The following CHD9 variants were observed in gnomAD, a reference collection of about 807,000 sequenced individuals.
CHD9 encodes ATP-dependent chromatin remodeler CHD9.
In CHD9, 77 loss-of-function variants were observed where a neutral mutation model predicts 316.1. The ratio of observed to expected loss-of-function variants is 0.24; its 90% CI spans 0.20 to 0.29. CHD9 has a LOEUF of 0.29. CHD9 is among the 10% of genes least tolerant of loss of function. The pLI is 1.00. For missense variants in CHD9, 2,763 were observed against 3,438.1 expected, an observed-to-expected ratio of 0.80 and a Z score of 4.91; for synonymous variants, 1,129 against 1,158.3, an observed-to-expected ratio of 0.97 and a Z score of 0.51.
At chr16:53,081,389 G>A (rs956471274) in intron 1 of CHD9, among the ~76,000 whole-genome samples, 2 of 152,116 alleles carry the variant, frequency 1.3e-5, no homozygotes, top group African/African-American at 4.8e-5. Flanking sequence ...CAAAGACTAT[G>A]GGGCAATAAA....
At chr16:53,069,451 G>A (rs1467864254) in intron 1 of CHD9, among the ~76,000 whole-genome samples, 1 of 152,032 alleles carries the variant, frequency 6.6e-6, no homozygotes, top group African/African-American at 2.4e-5. Flanking sequence ...CCCATCCCTG[G>A]CAACCACCAT....
chr16:53,105,511 A>G (rs2037271748), intron 1 of CHD9, among the ~76,000 whole-genome samples: 1 of 152,124 alleles, frequency 6.6e-6, no homozygotes, highest in South Asian at 2.1e-4. Context: ...GTATTCCATA[A>G]TTTGGTCAAC....
At chr16:53,188,757 G>C (rs925377624) in intron 2 of CHD9, among the ~76,000 whole-genome samples, 19 of 151,400 alleles carry the variant, frequency 1.3e-4, no homozygotes, top group Non-Finnish European at 2.9e-5. Flanking sequence ...ACCACGCCTG[G>C]CTAATTTTTT....
intron 24 of CHD9, among the ~76,000 whole-genome samples, chr16:53,275,108 T>G (rs1204885462): frequency 6.6e-6 from 1 of 152,188 alleles, no homozygotes; most frequent in Non-Finnish European, 1.5e-5. Flanking sequence ...ACTGGCTCAC[T>G]GCAACCTCCA....
At position 53,156,552 on chromosome 16, in the gene CHD9, A is replaced by C. The variant is rs1401768020; in HGVS notation, c.463A>C (p.Ser155Arg). 2 of 1,613,998 alleles carry C rather than the reference A, an allele frequency of 1.2e-6. No homozygotes were observed. Among genetic ancestry groups the C allele is most frequent in the Admixed American group, 3.3e-5 (2 of 60,030 alleles). ...TTCACACTCTATGCATCAAAATAAA[A>C]GCTTTGTGGCACACCATGACTTTGC... ...GHSHSMHQNK[S>R]FVAHHDFALF... Residue 155 changes from serine (S) to arginine (R), a missense_variant, in exon 2 of 39, where the codon AGC becomes CGC. Physicochemically the swap from Ser to Arg is moderately radical, Grantham distance 110. Around this residue, in one of 15 missense-constraint regions of CHD9, gnomAD observed 859 missense variants for 890.4 expected, o/e 0.96. Coordinates refer to ENST00000447540, the MANE Select transcript of CHD9 (RefSeq NM_001308319.2).
At chr16:53,098,586 C>T (rs2036575176) in intron 1 of CHD9, among the ~76,000 whole-genome samples, 1 of 152,122 alleles carries the variant, frequency 6.6e-6, no homozygotes, top group South Asian at 2.1e-4. Flanking sequence ...CAATGTTTGG[C>T]TGCTTTTTTC....
At chr16:53,106,841 A>G (rs1347843490) in intron 1 of CHD9, among the ~76,000 whole-genome samples, 1 of 152,234 alleles carries the variant, frequency 6.6e-6, no homozygotes, top group South Asian at 2.1e-4. Context: ...GTGTATGTTC[A>G]TTGCAAAAGA....
At chr16:53,098,248 G>T (rs1025484775) in intron 1 of CHD9, among the ~76,000 whole-genome samples, 2 of 151,932 alleles carry the variant, frequency 1.3e-5, no homozygotes, top group African/African-American at 4.8e-5. Context: ...GGCCGAGGCG[G>T]GTGGATCACC....
intron 30 of CHD9, among the ~76,000 whole-genome samples, chr16:53,300,656 G>T (rs2055303480): frequency 6.6e-6 from 1 of 152,184 alleles, no homozygotes. Flanking sequence ...GAAAATTCTA[G>T]GTAAGTGTTC....
chr16:53,078,069 G>A (rs1163887339), intron 1 of CHD9, among the ~76,000 whole-genome samples: 1 of 152,048 alleles, frequency 6.6e-6, no homozygotes, highest in East Asian at 1.9e-4. Context: ...ATGAAACCAT[G>A]TCTCAGAAAA....
At chr16:53,210,494 T>C (rs2046244786) in intron 3 of CHD9, among the ~76,000 whole-genome samples, 1 of 152,090 alleles carries the variant, frequency 6.6e-6, no homozygotes, top group South Asian at 2.1e-4. Context: ...TCCAAAATAT[T>C]TTCAAAAAAT....
At chr16:53,131,538 C>T (rs1257223733) in intron 1 of CHD9, among the ~76,000 whole-genome samples, 3 of 151,074 alleles carry the variant, frequency 2.0e-5, no homozygotes, top group African/African-American at 7.3e-5. Flanking sequence ...GCCCCCCGGC[C>T]CACAGCCCCC....
intron 24 of CHD9, among the ~76,000 whole-genome samples, chr16:53,284,658 G>A (rs2053705273): frequency 6.6e-6 from 1 of 152,016 alleles, no homozygotes; most frequent in Non-Finnish European, 1.5e-5. Flanking sequence ...TATAAAATCA[G>A]TCAATCTACA....
chr16:53,173,746 G>A (rs1184681744), intron 2 of CHD9, among the ~76,000 whole-genome samples: 4 of 151,820 alleles, frequency 2.6e-5, no homozygotes, highest in African/African-American at 7.2e-5. Flanking sequence ...GGGTTTCACC[G>A]TGTTAGCCAG....
At chr16:53,287,901 C>A in intron 26 of CHD9, 56 bp from the exon 27 acceptor site, 1 of 1,349,570 alleles carries the variant, frequency 7.4e-7, no homozygotes, top group Non-Finnish European at 1.1e-6. Context: ...TTTGTCCTAT[C>A]AAGTGAAATC....
intron 4 of CHD9, chr16:53,223,348 C>T (rs778766933): frequency 2.0e-5 from 3 of 151,348 alleles, no homozygotes; most frequent in Non-Finnish European, 2.9e-5. Flanking sequence ...CCACCCTCTG[C>T]TCTCTAATAA....
intron 20 of CHD9, among the ~76,000 whole-genome samples, chr16:53,266,215 A>G (rs2051675507): frequency 6.6e-6 from 1 of 152,164 alleles, no homozygotes; most frequent in African/African-American, 2.4e-5. Context: ...CAAAATACAT[A>G]TTAATTCCAA....
intron 1 of CHD9, among the ~76,000 whole-genome samples, chr16:53,082,785 C>T (rs1041650176): frequency 2.6e-5 from 4 of 152,142 alleles, no homozygotes; most frequent in South Asian, 2.1e-4. Context: ...GCTTTTTACC[C>T]GTCCAATTCC....
At chr16:53,289,728 T>C (rs1178860814) in intron 27 of CHD9, among the ~76,000 whole-genome samples, 1 of 152,166 alleles carries the variant, frequency 6.6e-6, no homozygotes, top group African/African-American at 2.4e-5. Flanking sequence ...AGGGCTCAGA[T>C]AAAGCTCCCA....
Sources: allele counts gnomAD v4.1 joint callset (sites outside exome capture counted in the v4.1 genomes callset), GRCh38; gene constraint gnomAD v4.1.1; regional missense constraint gnomAD v4.1.1; transcripts MANE v1.5; gene names NCBI Gene and HGNC (gene_info 2026-07-23, HGNC 2026-07-21).